The following AMN variants were observed in gnomAD, a reference collection of about 807,000 sequenced individuals.
AMN encodes protein amnionless.
AMN carries 40 observed loss-of-function variants against 49.1 expected under a neutral mutation model. The ratio of observed to expected loss-of-function variants is 0.81; its 90% CI spans 0.63 to 1.06. AMN has a LOEUF of 1.06. Ranked by LOEUF, AMN falls within the 50% of genes least tolerant of loss-of-function variation. The pLI, the probability that AMN is intolerant of heterozygous loss-of-function variation, is 0.00. For synonymous variants in AMN, 380 were observed against 313.3 expected (o/e 1.21, Z -2.25); for missense variants, 701 against 662.8 (o/e 1.06, Z -0.63).
chr14:102,930,415 G>A lies in AMN; in HGVS notation c.1179G>A (p.Arg393=), dbSNP rs1434288624. The A allele has an allele frequency of 2.0e-5, 31 of 1,519,780 alleles. No homozygotes were observed. The East Asian group carries it at 7.4e-4, about 36-fold the overall frequency. 94.1% of individuals were successfully genotyped at this position (1,519,780 alleles called of 1,614,324 possible). Residue 393 remains arginine, a synonymous_variant, in exon 11 of 12, where the codon AGG becomes AGA. Transcript: ENST00000299155. The stretch of plus-strand genomic sequence containing the variant: ...CCCGCTACGCCCTCAGGTGGAGGAG[G>A]CACGAGGCGGCGGCCCCGGCTGGAG... ...LRRAGRLRWR[R]HEAAAPAGAP...
At chr14:102,926,690 G>A (rs189917239) in intron 3 of AMN, among the ~76,000 whole-genome samples, 211 of 149,904 alleles carry the variant, frequency 1.4e-3, no homozygotes, top group Non-Finnish European at 2.3e-3. Context: ...GGGCTCAAGC[G>A]ATTCTCCTGC....
chr14:102,930,647 C>A lies in AMN; in HGVS notation c.1329C>A (p.Asn443Lys), dbSNP rs1310738643. The A allele has an allele frequency of 2.5e-6, 4 of 1,600,236 alleles. No individual in the cohort carries two copies. The East Asian group carries it at 9.1e-5, about 36-fold the overall frequency. The part of the protein sequence containing the change: ...ADSTSHSYFV[N>K]PLFAGAEAEA ...GCACCAGCCACAGTTACTTCGTCAA[C>A]CCTCTGTTCGCCGGGGCCGAGGCCG... Residue 443 changes from asparagine (N) to lysine (K), a missense_variant, in exon 12 of 12, where the codon AAC becomes AAA. Transcript: ENST00000299155.
Position 102,928,943 on chromosome 14 carries a change from G to T in AMN, c.481G>T (p.Val161Leu), listed in dbSNP as rs746904737. The stretch of plus-strand genomic sequence containing the variant: ...GGGGCTCGGCCCTGGCGCTAGCCCC[G>T]TGCGTGTCCGCAGCATCTCGGCTCT... ...RVGLGPGASP[V>L]RVRSISALGR... Residue 161 changes from valine (V) to leucine (L), a missense_variant, in exon 5 of 12, where the codon GTG (valine) becomes TTG (leucine). By Grantham distance (32) the Val-to-Leu change is conservative. Transcript: ENST00000299155. 2.4e-5 allele frequency: 38 copies of T among 1,600,058 alleles called. No homozygotes were observed. The highest frequency in any genetic ancestry group is 3.2e-5 in the Non-Finnish European group (38 of 1,179,616).
intron 3 of AMN, 56 bp downstream of exon 3, chr14:102,924,035 C>A: frequency 6.2e-7 from 1 of 1,608,574 alleles, no homozygotes; most frequent in Non-Finnish European, 8.5e-7. Flanking sequence ...CTCTGAAGCG[C>A]CTTCAGGGAC....
At chr14:102,927,128 G>A (rs552338428) in intron 3 of AMN, among the ~76,000 whole-genome samples, 3 of 152,254 alleles carry the variant, frequency 2.0e-5, no homozygotes, top group East Asian at 1.9e-4. Flanking sequence ...TCCTGGGCTC[G>A]AGTGATATGC....
At chr14:102,929,015 C>A (rs376189503) in intron 5 of AMN, 40 bp downstream of exon 5, 3 of 1,594,604 alleles carry the variant, frequency 1.9e-6, no homozygotes, top group African/African-American at 2.7e-5. Flanking sequence ...CCCCTCTCCC[C>A]ACCTCGGCCC....
intron 4 of AMN, 106 bp downstream of exon 4, chr14:102,928,619 G>T: frequency 6.7e-7 from 1 of 1,493,206 alleles, no homozygotes; most frequent in South Asian, 1.2e-5. Context: ...GGGCGCCTCC[G>T]GGGGCGTGGT....
At position 102,930,398 on chromosome 14, in the gene AMN, G is replaced by A. The variant is rs1257552257; in HGVS notation, c.1170-8G>A. 9.9e-6 allele frequency: 15 copies of A among 1,510,788 alleles called. No homozygotes were observed. Among genetic ancestry groups the A allele is most frequent in the Non-Finnish European group, 1.2e-5 (14 of 1,136,128 alleles). 93.6% of individuals were successfully genotyped at this position (1,510,788 alleles called of 1,614,324 possible). A position where few individuals can be genotyped will look rare whatever the true frequency, so the allele number is the denominator to read the frequency against. ...GGGGCTCACGCTGCGTCCCCGCTAC[G>A]CCCTCAGGTGGAGGAGGCACGAGGC... On this transcript the variant is annotated splice_region_variant and splice_polypyrimidine_tract_variant and intron_variant, in intron 10 of 11. Coordinates refer to ENST00000299155, the MANE Select transcript of AMN (RefSeq NM_030943.4).
Position 102,930,299 on chromosome 14 carries a change from C to A in AMN, c.1141C>A (p.Pro381Thr). Residue 381 changes from proline to threonine, a missense_variant, in exon 10 of 12, where the codon CCG becomes ACG. Physicochemically the swap from Pro to Thr is conservative, Grantham distance 38. Transcript: ENST00000299155. Reference sequence around the variant, plus strand: ...GCTGCTGGTCCTGCTGGTGGCGCCGCCGCTGCTGCGCCGCGCGGGGAGGCT... The same window carrying A: ...GCTGCTGGTCCTGCTGGTGGCGCCGACGCTGCTGCGCCGCGCGGGGAGGCT... Reference protein sequence around the residue: ...LALLVLLVAPPLLRRAGRLRW... With the variant: ...LALLVLLVAPTLLRRAGRLRW... The A allele has an allele frequency of 7.3e-7, 1 of 1,371,218 alleles. No individual in the cohort carries two copies. Among genetic ancestry groups the A allele is most frequent in the Non-Finnish European group, 9.3e-7 (1 of 1,069,708 alleles). 84.9% of individuals were successfully genotyped at this position (1,371,218 alleles called of 1,614,324 possible).
In AMN at chr14:102,923,804, G is replaced by A; in HGVS notation, c.137G>A (p.Gly46Asp). The A allele has an allele frequency of 6.2e-7, 1 of 1,612,692 alleles. No individual in the cohort carries two copies. Among genetic ancestry groups the A allele is most frequent in the African/African-American group, 1.3e-5 (1 of 75,050 alleles). ...WSQNRTPCAGGAVEFPADKMV... is the reference protein window; with the variant it reads ...WSQNRTPCAGDAVEFPADKMV... Reference sequence around the variant, plus strand: ...CAGAACCGGACCCCGTGCGCCGGCGGCGCCGTTGAGTTCCCGGCGGACAAG... The same window carrying A: ...CAGAACCGGACCCCGTGCGCCGGCGACGCCGTTGAGTTCCCGGCGGACAAG... Residue 46 changes from glycine (G) to aspartate (D), a missense_variant, in exon 2 of 12, where the codon GGC becomes GAC. Coordinates refer to ENST00000299155, the MANE Select transcript of AMN (RefSeq NM_030943.4).
chr14:102,930,502 G>C lies in AMN; in HGVS notation c.1257+9G>C. ...CGGCCTCCGAGGAGCTGGTGAGGGG[G>C]CTGGAGGGGGGACCGGGGCCTCCTC... is the stretch of plus-strand genomic sequence containing the variant. On this transcript the variant is annotated intron_variant, in intron 11 of 11. Coordinates refer to ENST00000299155, the MANE Select transcript of AMN (RefSeq NM_030943.4). 1 of 1,538,340 alleles carries C rather than the reference G, an allele frequency of 6.5e-7. No homozygotes were observed. The highest frequency in any genetic ancestry group is 1.4e-5 in the African/African-American group (1 of 72,800).
intron 1 of AMN, 171 bp downstream of exon 1, chr14:102,922,902 C>T (rs1439172940): frequency 2.3e-5 from 22 of 976,926 alleles, no homozygotes; most frequent in Non-Finnish European, 3.1e-5. Flanking sequence ...GGCGAGTGCG[C>T]AGCCCGGAAG....
At position 102,923,807 on chromosome 14, in the gene AMN, C is replaced by T. The variant is rs373815557; in HGVS notation, c.140C>T (p.Ala47Val). 7.6e-5 allele frequency: 122 copies of T among 1,612,502 alleles called. No individual in the cohort carries two copies. Among genetic ancestry groups the T allele is most frequent in the Non-Finnish European group, 9.1e-5 (107 of 1,179,818 alleles). Residue 47 changes from alanine to valine, a missense_variant, in exon 2 of 12, where the codon GCC (alanine) becomes GTC (valine). By Grantham distance (64) the Ala-to-Val change is moderately conservative. Transcript: ENST00000299155. The part of the protein sequence containing the change: ...SQNRTPCAGG[A>V]VEFPADKMVS... Reference sequence around the variant, plus strand: ...AACCGGACCCCGTGCGCCGGCGGCGCCGTTGAGTTCCCGGCGGACAAGGTG... The same window carrying T: ...AACCGGACCCCGTGCGCCGGCGGCGTCGTTGAGTTCCCGGCGGACAAGGTG...
chr14:102,923,364 C>T, intron 1 of AMN: 2 of 379,866 alleles, frequency 5.3e-6, no homozygotes, highest in South Asian at 4.3e-5. Context: ...TGTGCTGCCC[C>T]ATCCTCCTCC....
chr14:102,929,840 C>T, intron 8 of AMN, 84 bp from the exon 9 acceptor site: 2 of 1,543,392 alleles, frequency 1.3e-6, no homozygotes, highest in South Asian at 1.2e-5. Context: ...CTCACTTGCC[C>T]ACTATCTGCC....
intron 3 of AMN, among the ~76,000 whole-genome samples, chr14:102,926,706 C>T (rs143937911): frequency 0.015 from 2,288 of 151,196 alleles, 35 homozygotes; most frequent in Non-Finnish European, 0.025. Flanking sequence ...CCTGCCTGAG[C>T]CTCCCAAGTA....
intron 8 of AMN, 80 bp from the exon 9 acceptor site, chr14:102,929,844 A>G (rs1891292287): frequency 6.5e-7 from 1 of 1,545,110 alleles, no homozygotes; most frequent in Non-Finnish European, 8.7e-7. Flanking sequence ...CTTGCCCACT[A>G]TCTGCCTCTG....
At chr14:102,927,183 C>A (rs531480104) in intron 3 of AMN, among the ~76,000 whole-genome samples, 8 of 152,166 alleles carry the variant, frequency 5.3e-5, no homozygotes, top group African/African-American at 1.7e-4. Context: ...CATGAGCCAC[C>A]GCTCCTGGCC....
At position 102,928,522 on chromosome 14, in the gene AMN, G is replaced by C. The variant is rs760719367; in HGVS notation, c.295+9G>C. 1 of 1,602,770 alleles carries C rather than the reference G, an allele frequency of 6.2e-7. No homozygotes were observed. The highest frequency in any genetic ancestry group is 1.3e-5 in the African/African-American group (1 of 74,928). On this transcript the variant is annotated intron_variant, in intron 4 of 11. Coordinates refer to ENST00000299155, the MANE Select transcript of AMN (RefSeq NM_030943.4). ...CCTGGACTGTGGCGCGGGTGAGGCG[G>C]TCGGGCAGGGGCGGGGCTCTGGAAA... is the stretch of plus-strand genomic sequence containing the variant.
Sources: gnomAD v4.1 joint callset for allele counts (sites outside exome capture counted in the v4.1 genomes callset) on GRCh38, gnomAD v4.1.1 for gene constraint, MANE v1.5 for transcripts, NCBI Gene and HGNC (gene_info 2026-07-23, HGNC 2026-07-21) for gene names.